Variants in TNXB observed in about 807,000 individuals in gnomAD.
The protein encoded by TNXB is tenascin XB, also known as tenascin-X.
TNXB carries 183 observed loss-of-function variants against 340.5 expected under a neutral mutation model. That is an observed-to-expected ratio of 0.54 (90% CI 0.48 to 0.61). The LOEUF (loss-of-function observed/expected upper bound fraction) is 0.61, where lower values mean the gene tolerates loss of function less well. TNXB is among the 20% of genes least tolerant of loss of function. The pLI is 0.00. For missense variants in TNXB, 4,613 were observed against 5,446.4 expected, an observed-to-expected ratio of 0.85 and a Z score of 4.82; for synonymous variants, 2,121 against 2,314.5, an observed-to-expected ratio of 0.92 and a Z score of 2.40.
At chr6:32,053,312 G>C in intron 25 of TNXB, 76 bp downstream of exon 25, 1 of 1,545,902 alleles carries the variant, frequency 6.5e-7, no homozygotes, top group Non-Finnish European at 8.8e-7. Context: ...GGGGCTTCCT[G>C]GGCCAGTTCA....
In TNXB at chr6:32,062,290, C is replaced by T; in HGVS notation, c.7035G>A (p.Lys2345=). 6.2e-7 allele frequency: 1 copy of T among 1,613,446 alleles called. No individual in the cohort carries two copies. The highest frequency in any genetic ancestry group is 8.5e-7 in the Non-Finnish European group (1 of 1,179,848). Reference sequence around the variant, plus strand: ...CCTCATGTCCTGGCACCCGTGTTGCCTTGGGCTGCCCATCCCCATTCTTGT... The same window carrying T: ...CCTCATGTCCTGGCACCCGTGTTGCTTTGGGCTGCCCATCCCCATTCTTGT... The part of the protein sequence containing the change: ...VQYKNGDGQP[K]ATRVPGHEDR... Residue 2345 remains lysine (K), a synonymous_variant, in exon 20 of 44, where the codon AAG becomes AAA. Coordinates refer to ENST00000644971, the MANE Select transcript of TNXB (RefSeq NM_001365276.2). This position sits in a 1 kb window ranked among gnomAD's most constrained non-coding sequence, Gnocchi z 4.3.
Position 32,068,921 on chromosome 6 carries a change from T to A in TNXB, c.5803A>T (p.Thr1935Ser), listed in dbSNP as rs756792194. The change falls in exon 16 of 44, where the codon ACC becomes TCC. Residue 1935 changes from threonine (T) to serine (S), a missense_variant. By Grantham distance (58) the Thr-to-Ser change is moderately conservative (BLOSUM62 1). Coordinates refer to ENST00000644971, the MANE Select transcript of TNXB (RefSeq NM_001365276.2). This position sits in a 1 kb window ranked among gnomAD's most constrained non-coding sequence, Gnocchi z 5.3. ...VRIGGDRNDI[T>S]LSGLESDHRY... The stretch of plus-strand genomic sequence containing the variant: ...TGGTCGGATTCCAGGCCAGAGAGGG[T>A]GATGTCATTCCGGTCACCTCCTATG... 1 of 1,612,610 alleles carries A rather than the reference T, an allele frequency of 6.2e-7. No individual in the cohort carries two copies. The highest frequency in any genetic ancestry group is 2.2e-5 in the East Asian group (1 of 44,872).
At chr6:32,071,951 C>T (rs1315030433) in intron 13 of TNXB, 39 bp downstream of exon 13, 1 of 1,527,236 alleles carries the variant, frequency 6.5e-7, no homozygotes, top group Admixed American at 1.9e-5. Context: ...GGTGGGAAGG[C>T]TGTGGCCTCA....
rs756146214 is a variant in TNXB, at chr6:32,068,351, C to T, written c.6220+39G>A. The T allele has an allele frequency of 6.2e-7, 1 of 1,604,028 alleles. No individual in the cohort carries two copies. Among genetic ancestry groups the T allele is most frequent in the Non-Finnish European group, 8.5e-7 (1 of 1,174,282 alleles). ...CACCAAAGAGCAAGAGGGTGACCCT[C>T]CCATGGCTCCCACCCTGGGGCTCCC... is the stretch of plus-strand genomic sequence containing the variant. On this transcript the variant is annotated intron_variant, in intron 17 of 43. Transcript: ENST00000644971. The surrounding 1 kb of genome is among the most constrained non-coding windows in gnomAD (Gnocchi z 5.3).
chr6:32,088,933 G>C lies in TNXB; in HGVS notation c.2631C>G (p.Ala877=). 2 of 1,604,098 alleles carry C rather than the reference G, an allele frequency of 1.2e-6. No homozygotes were observed. The highest frequency in any genetic ancestry group is 8.5e-7 in the Non-Finnish European group (1 of 1,175,658). The change falls in exon 6 of 44, where the codon GCC becomes GCG. Residue 877 remains alanine, a synonymous_variant. Transcript: ENST00000644971. ...CTTCCAGCCTCACCCTCTGGTTGCC[G>C]GCACTGACGTAGGACACCACAAATC... ...VDRFVVSYVS[A]GNQRVRLEVP...
chr6:32,098,457 TTTTGTTTTG>T (rs1429120498), intron 1 of TNXB, among the ~76,000 whole-genome samples: 4 of 120,170 alleles, frequency 3.3e-5, no homozygotes, highest in African/African-American at 9.6e-5. Flanking sequence ...ACACTGGTTT[TTTTGTTTTG>T]TTTTGTTTTG....
chr6:32,042,167 T>C lies in TNXB; in HGVS notation c.12314A>G (p.Glu4105Gly). 1.4e-6 allele frequency: 1 copy of C among 691,064 alleles called. No homozygotes were observed. The highest frequency in any genetic ancestry group is 2.4e-6 in the Non-Finnish European group (1 of 408,354). The allele number at this position is 691,064 out of a possible 1,614,324, so 42.8% of individuals were successfully genotyped here. Residue 4105 changes from glutamate (E) to glycine (G), a missense_variant, in exon 42 of 44, where the codon GAG (glutamate) becomes GGG (glycine). Glu to Gly is a moderately conservative substitution (Grantham distance 98, BLOSUM62 -2). Transcript: ENST00000644971. The part of the protein sequence containing the change: ...NISGEFWLGN[E>G]ALHSLTQAGD... ...TGCCTGTGTCAGGCTGTGCAGGGCCTCATTGCCTGGGGGTGGGATACGTGC... is the reference window on the plus strand; with the variant it reads ...TGCCTGTGTCAGGCTGTGCAGGGCCCCATTGCCTGGGGGTGGGATACGTGC...
At position 32,087,449 on chromosome 6, in the gene TNXB, G is replaced by A. The variant is rs778964045; in HGVS notation, c.2780-1331C>T. On this transcript the variant is annotated intron_variant, in intron 6 of 43. Coordinates refer to ENST00000644971, the MANE Select transcript of TNXB (RefSeq NM_001365276.2). This position sits in a 1 kb window ranked among gnomAD's most constrained non-coding sequence, Gnocchi z 9.0. ...AGCACCACGCGCTCGAACTGGCCGC[G>A]GAGCCCGTCGAGAGACACGAGAAGC... The A allele has an allele frequency of 1.0e-5, 5 of 484,788 alleles. No homozygotes were observed. Among genetic ancestry groups the A allele is most frequent in the Non-Finnish European group, 2.0e-5 (5 of 244,272 alleles). The allele number at this position is 484,788 out of a possible 1,614,324, so 30.0% of individuals were successfully genotyped here.
rs9469078 is a variant in TNXB, at chr6:32,055,348, C to T, written c.8467+503G>A. Among the ~76,000 whole-genome samples the T allele has an allele frequency of 3.9e-3, 589 of 152,074 alleles. 3 individuals are homozygous for T. Among genetic ancestry groups the T allele is most frequent in the African/African-American group, 0.012 (513 of 41,484 alleles). On this transcript the variant is annotated intron_variant, in intron 24 of 43. Transcript: ENST00000644971. ...GTCGTTGGCCAGAGGACATTGATAC[C>T]CTAAAATTACAGTGTCCGGATCAGG...
chr6:32,067,511 C>A lies in TNXB; in HGVS notation c.6544+150G>T. 1 of 1,168,754 alleles carries A rather than the reference C, an allele frequency of 8.6e-7. No homozygotes were observed. The allele number at this position is 1,168,754 out of a possible 1,614,324, so 72.4% of individuals were successfully genotyped here. ...GACACTTCTCCTGGATTTGCTCTCTCTGTCCCCAGATCACACCTGTCCTGA... is the reference window on the plus strand; with the variant it reads ...GACACTTCTCCTGGATTTGCTCTCTATGTCCCCAGATCACACCTGTCCTGA... On this transcript the variant is annotated intron_variant, in intron 18 of 43. Coordinates refer to ENST00000644971, the MANE Select transcript of TNXB (RefSeq NM_001365276.2). This position sits in a 1 kb window ranked among gnomAD's most constrained non-coding sequence, Gnocchi z 4.2.
chr6:32,094,981 C>G (rs1365828667), intron 4 of TNXB, 95 bp downstream of exon 4: 1 of 1,051,622 alleles, frequency 9.5e-7, no homozygotes, highest in African/African-American at 1.6e-5. Context: ...CATCTGGACT[C>G]AACCAATGAT....
Position 32,072,371 on chromosome 6 carries a change from G to A in TNXB, c.4682-73C>T, listed in dbSNP as rs541401850. 11 of 1,338,994 alleles carry A rather than the reference G, an allele frequency of 8.2e-6. No individual in the cohort carries two copies. The highest frequency in any genetic ancestry group is 2.5e-5 in the Admixed American group (1 of 40,302). 82.9% of individuals were successfully genotyped at this position (1,338,994 alleles called of 1,614,324 possible). On this transcript the variant is annotated intron_variant, in intron 12 of 43. Transcript: ENST00000644971. The surrounding 1 kb of genome is among the most constrained non-coding windows in gnomAD (Gnocchi z 4.4). ...AACCCCTGGGCTTTGAGGGCCTCAG[G>A]GGGGCTGTGAACTGAGATGGGGAAT... is the stretch of plus-strand genomic sequence containing the variant.
Position 32,070,489 on chromosome 6 carries a change from C to T in TNXB, c.4991-75G>A, listed in dbSNP as rs1778709517. 2.8e-6 allele frequency: 4 copies of T among 1,411,370 alleles called. No individual in the cohort carries two copies. Among genetic ancestry groups the T allele is most frequent in the East Asian group, 2.5e-5 (1 of 40,460 alleles). 87.4% of individuals were successfully genotyped at this position (1,411,370 alleles called of 1,614,324 possible). On this transcript the variant is annotated intron_variant, in intron 13 of 43. Transcript: ENST00000644971. The surrounding 1 kb of genome is among the most constrained non-coding windows in gnomAD (Gnocchi z 6.0). ...CTGCCTCCCTCTGGGGCTGGAAAAA[C>T]CCAGAACTGCCCAAATGCTCAGTGC...
chr6:32,077,673 G>C (rs975824648), intron 11 of TNXB, among the ~76,000 whole-genome samples: 1 of 152,170 alleles, frequency 6.6e-6, no homozygotes, highest in Non-Finnish European at 1.5e-5. Flanking sequence ...CCAGGCCTGA[G>C]AGAAAGGGTG....
rs1319659983 is a variant in TNXB, at chr6:32,068,504, G to T, written c.6106C>A (p.His2036Asn). ...GQPKAVRVPGHEEGVTISGLE... is the reference protein window; with the variant it reads ...GQPKAVRVPGNEEGVTISGLE... ...CCCGAGATGGTGACCCCTTCCTCGT[G>T]CCCTGGCACCCTCACTGCCTTGGGC... Residue 2036 changes from histidine (H) to asparagine (N), a missense_variant, in exon 17 of 44, where the codon CAC becomes AAC. This residue lies in a region of TNXB where 4,327 missense variants were observed against 4,859.4 expected (regional missense o/e 0.89). Coordinates refer to ENST00000644971, the MANE Select transcript of TNXB (RefSeq NM_001365276.2). This position sits in a 1 kb window ranked among gnomAD's most constrained non-coding sequence, Gnocchi z 5.3. 1.2e-6 allele frequency: 2 copies of T among 1,613,918 alleles called. No individual in the cohort carries two copies. Among genetic ancestry groups the T allele is most frequent in the Non-Finnish European group, 1.7e-6 (2 of 1,179,890 alleles).
chr6:32,047,602 G>T lies in TNXB; in HGVS notation c.10324+132C>A. ...CAGAACTGTGCCTGACACACAGAGG[G>T]ACTCACTTTCGGAGTTAAGATGGTT... On this transcript the variant is annotated intron_variant, in intron 30 of 43. Transcript: ENST00000644971. The surrounding 1 kb of genome is among the most constrained non-coding windows in gnomAD (Gnocchi z 6.2). The T allele has an allele frequency of 9.9e-7, 1 of 1,007,900 alleles. No individual in the cohort carries two copies. The highest frequency in any genetic ancestry group is 1.4e-6 in the Non-Finnish European group (1 of 712,648). 62.4% of individuals were successfully genotyped at this position (1,007,900 alleles called of 1,614,324 possible). A position where few individuals can be genotyped will look rare whatever the true frequency, so the allele number is the denominator to read the frequency against.
chr6:32,052,233 C>T lies in TNXB; in HGVS notation c.9115+437G>A, dbSNP rs530136375. ...TTGGGAGGCCGAGGAGGGCAGATCA[C>T]GAGGTCAGGAGATTGAGACCATCCT... On this transcript the variant is annotated intron_variant, in intron 26 of 43. Transcript: ENST00000644971. This position sits in a 1 kb window ranked among gnomAD's most constrained non-coding sequence, Gnocchi z 4.7. Among the ~76,000 whole-genome samples the T allele has an allele frequency of 4.6e-5, 7 of 152,190 alleles. No individual in the cohort carries two copies. Among genetic ancestry groups the T allele is most frequent in the South Asian group, 2.1e-4 (1 of 4,820 alleles).
At position 32,058,240 on chromosome 6, in the gene TNXB, C is replaced by T. The variant is rs769703381; in HGVS notation, c.7643G>A (p.Arg2548His). The T allele has an allele frequency of 9.3e-6, 15 of 1,612,308 alleles. No homozygotes were observed. Among genetic ancestry groups the T allele is most frequent in the South Asian group, 4.4e-5 (4 of 91,066 alleles). The change falls in exon 22 of 44, where the codon CGC (arginine) becomes CAC (histidine). Residue 2548 changes from arginine to histidine, a missense_variant. Coordinates refer to ENST00000644971, the MANE Select transcript of TNXB (RefSeq NM_001365276.2). The surrounding 1 kb of genome is among the most constrained non-coding windows in gnomAD (Gnocchi z 5.1). ...GTACTGCACGGTGAAGGAGTCAAAG[C>T]GGCCCTGGGGGACGGTCCAGGAAAG... Reference protein sequence around the residue: ...LSLSWTVPQGRFDSFTVQYKD... With the variant: ...LSLSWTVPQGHFDSFTVQYKD...
intron 1 of TNXB, among the ~76,000 whole-genome samples, chr6:32,101,526 T>C (rs1780720865): frequency 6.6e-6 from 1 of 151,804 alleles, no homozygotes; most frequent in Non-Finnish European, 1.5e-5. Flanking sequence ...CCTGACCTCG[T>C]GATCCGCCCA....
Sources: gnomAD v4.1 joint callset for allele counts (sites outside exome capture counted in the v4.1 genomes callset) on GRCh38, gnomAD v4.1.1 for gene constraint, gnomAD v4.1.1 regional missense constraint, Gnocchi (gnomAD v3.1) non-coding constraint, MANE v1.5 for transcripts, NCBI Gene and HGNC (gene_info 2026-07-23, HGNC 2026-07-21) for gene names.